The following ANKRD11 variants were observed in gnomAD, a reference collection of about 807,000 sequenced individuals.
ANKRD11 encodes the protein ankyrin repeat domain 11, also known as ankyrin repeat domain-containing protein 11.
In ANKRD11, 17 loss-of-function variants were observed where a neutral mutation model predicts 195.7. The ratio of observed to expected loss-of-function variants is 0.09; its 90% confidence interval spans 0.06 to 0.13. The LOEUF (loss-of-function observed/expected upper bound fraction) is 0.13, where lower values mean the gene tolerates loss of function less well. Ranked by LOEUF, ANKRD11 falls within the 10% of genes least tolerant of loss-of-function variation. The pLI is 1.00. For synonymous variants in ANKRD11, 1,953 were observed against 1,528.1 expected, an observed-to-expected ratio of 1.28 and a Z score of -6.49; for missense variants, 3,735 against 3,566.1, an observed-to-expected ratio of 1.05 and a Z score of -1.21.
At chr16:89,438,846 A>T (rs1322521395) in intron 1 of ANKRD11, among the ~76,000 whole-genome samples, 2 of 152,072 alleles carry the variant, frequency 1.3e-5, no homozygotes, top group African/African-American at 4.8e-5. Flanking sequence ...CTCTATAAAA[A>T]ATTTTAAAAT....
At chr16:89,460,902 C>T (rs1403153697) in intron 1 of ANKRD11, among the ~76,000 whole-genome samples, 1 of 150,706 alleles carries the variant, frequency 6.6e-6, no homozygotes, top group Non-Finnish European at 1.5e-5. Flanking sequence ...TATGACCCCC[C>T]ACCCCTTACA....
At chr16:89,287,929 G>A (rs1351975775) in intron 7 of ANKRD11, 3 of 420,378 alleles carry the variant, frequency 7.1e-6, no homozygotes, top group South Asian at 7.0e-5. Flanking sequence ...GGCTCTCCAC[G>A]GAGCTCTGAT....
intron 2 of ANKRD11, among the ~76,000 whole-genome samples, chr16:89,349,137 A>T (rs2039082357): frequency 7.4e-6 from 1 of 134,516 alleles, no homozygotes; most frequent in African/African-American, 2.7e-5. Context: ...CAAAAAGTAA[A>T]AAAAAAAAAA....
At chr16:89,399,069 C>A (rs1175771294) in intron 2 of ANKRD11, among the ~76,000 whole-genome samples, 5 of 152,192 alleles carry the variant, frequency 3.3e-5, no homozygotes, top group African/African-American at 1.2e-4. Flanking sequence ...GTTGCCTCAA[C>A]AGAAACTGCA....
intron 2 of ANKRD11, among the ~76,000 whole-genome samples, chr16:89,367,907 G>A (rs2040017497): frequency 6.6e-6 from 1 of 152,128 alleles, no homozygotes; most frequent in Admixed American, 6.5e-5. Flanking sequence ...CAGAGGCTGA[G>A]GTGGGAGGAT....
At chr16:89,474,503 ACAT>A (rs1438791175) in intron 1 of ANKRD11, among the ~76,000 whole-genome samples, 1 of 152,052 alleles carries the variant, frequency 6.6e-6, no homozygotes, top group Admixed American at 6.6e-5. Flanking sequence ...ATACCCCCAC[ACAT>A]CATCCCATTT....
At chr16:89,482,540 G>A (rs544459526) in intron 1 of ANKRD11, among the ~76,000 whole-genome samples, 39 of 152,326 alleles carry the variant, frequency 2.6e-4, no homozygotes, top group African/African-American at 9.1e-4. Context: ...CTTAGGTTAC[G>A]TGGAAAAGGG....
At chr16:89,457,150 G>T (rs1276726963) in intron 1 of ANKRD11, among the ~76,000 whole-genome samples, 1 of 150,410 alleles carries the variant, frequency 6.6e-6, no homozygotes, top group African/African-American at 2.4e-5. Flanking sequence ...TAGTAGAGAC[G>T]GGGTTTCACC....
At chr16:89,361,709 A>G (rs1190424046) in intron 2 of ANKRD11, 1 of 152,256 alleles carries the variant, frequency 6.6e-6, no homozygotes, top group Non-Finnish European at 1.5e-5. Flanking sequence ...GAAGATCACC[A>G]CCCAGAAATA....
intron 3 of ANKRD11, among the ~76,000 whole-genome samples, chr16:89,307,502 C>T (rs1235542178): frequency 2.6e-5 from 4 of 152,318 alleles, no homozygotes. Context: ...CAGTGAGACA[C>T]GGGGACAGGA....
At chr16:89,376,075 A>T (rs550606114) in intron 2 of ANKRD11, among the ~76,000 whole-genome samples, 105 of 152,354 alleles carry the variant, frequency 6.9e-4, no homozygotes, top group South Asian at 1.7e-3. Flanking sequence ...AACAGGCTTG[A>T]AAATTTTTTT....
rs187703640 is a variant in ANKRD11 at position 89,376,219 on chromosome 16, A to G, written c.-60+42065T>C. ...CCAATAGACTCTAGTCTGATTCCAG[A>G]AAAGTGAAGCCATTATACAACAACT... On this transcript the variant is annotated intron_variant, in intron 2 of 12. Coordinates refer to ENST00000301030, the MANE Select transcript of ANKRD11 (RefSeq NM_013275.6). 5.6e-4 allele frequency among the ~76,000 whole-genome samples: 86 copies of G among 152,348 alleles called. 3 individuals carry two copies. Among genetic ancestry groups the G allele is most frequent in the Admixed American group, 5.4e-3 (82 of 15,300 alleles).
At chr16:89,275,281 G>C in intron 9 of ANKRD11, 90 bp from the exon 10 acceptor site, 3 of 1,125,988 alleles carry the variant, frequency 2.7e-6, no homozygotes, top group Non-Finnish European at 3.8e-6. Context: ...TCCCGACTCA[G>C]CCTCCCCACT....
intron 2 of ANKRD11, among the ~76,000 whole-genome samples, chr16:89,339,355 GCAAACAAA>G (rs113752085): frequency 0.015 from 2,297 of 152,134 alleles, 47 homozygotes; most frequent in African/African-American, 0.052. Context: ...GCTTACACTA[GCAAACAAA>G]CAAACAAACA....
intron 2 of ANKRD11, among the ~76,000 whole-genome samples, chr16:89,328,557 C>T (rs1168358855): frequency 6.6e-6 from 1 of 150,780 alleles, no homozygotes; most frequent in Admixed American, 6.6e-5. Flanking sequence ...TCTGCAGAGG[C>T]CCCTGCTGAG....
intron 9 of ANKRD11, chr16:89,278,150 A>G (rs2151721651): frequency 3.5e-6 from 1 of 282,256 alleles, no homozygotes; most frequent in South Asian, 3.3e-5. Flanking sequence ...TCCAGGGAAG[A>G]GCCAGAACGC....
chr16:89,427,105 G>C (rs1213072003), intron 1 of ANKRD11, among the ~76,000 whole-genome samples: 1 of 152,124 alleles, frequency 6.6e-6, no homozygotes, highest in African/African-American at 2.4e-5. Context: ...AAAGTCAGCT[G>C]TATCATCATC....
Position 89,283,444 on chromosome 16 carries a change from C to G in ANKRD11, c.3098G>C (p.Ser1033Thr). 6.2e-7 allele frequency: 1 copy of G among 1,614,208 alleles called. No individual in the cohort carries two copies. Among genetic ancestry groups the G allele is most frequent in the East Asian group, 2.2e-5 (1 of 44,884 alleles). Reference protein sequence around the residue: ...TKPERYKEKSSDKDKSEKSIL... With the variant: ...TKPERYKEKSTDKDKSEKSIL... ...TGATTTCTCACTTTTGTCCTTGTCACTGGATTTCTCTTTGTATCTTTCTGG... is the reference window on the plus strand; with the variant it reads ...TGATTTCTCACTTTTGTCCTTGTCAGTGGATTTCTCTTTGTATCTTTCTGG... The change falls in exon 9 of 13, where the codon AGT (serine) becomes ACT (threonine). Residue 1033 changes from serine (S) to threonine (T), a missense_variant. Transcript: ENST00000301030. The surrounding 1 kb of genome is among the most constrained non-coding windows in gnomAD (Gnocchi z 4.3).
intron 1 of ANKRD11, among the ~76,000 whole-genome samples, chr16:89,483,814 C>CAAA (rs1379249025): frequency 1.2e-5 from 1 of 80,870 alleles, no homozygotes; most frequent in Non-Finnish European, 2.6e-5. Flanking sequence ...AACTCCATCT[C>CAAA]AAAAAAAAAA....
Sources: gnomAD v4.1 joint callset for allele counts (sites outside exome capture counted in the v4.1 genomes callset) on GRCh38, gnomAD v4.1.1 for gene constraint, Gnocchi (gnomAD v3.1) non-coding constraint, MANE v1.5 for transcripts, NCBI Gene and HGNC (gene_info 2026-07-23, HGNC 2026-07-21) for gene names.